Variants in PDE3B observed in about 807,000 individuals in gnomAD.
PDE3B encodes the protein cGMP-inhibited 3',5'-cyclic phosphodiesterase 3B.
Under a neutral mutation model 116.8 loss-of-function variants are expected in PDE3B, and 66 were observed. That is an observed-to-expected ratio of 0.56 (90% CI 0.46 to 0.69). PDE3B has a LOEUF of 0.69. PDE3B is among the 30% of genes least tolerant of loss of function. The probability of loss-of-function intolerance (pLI) is 0.00; values close to 1 mark genes in which losing one functional copy is unlikely to be tolerated. For missense variants in PDE3B, 1,384 were observed against 1,368.1 expected, an observed-to-expected ratio of 1.01 and a Z score of -0.18; for synonymous variants, 595 against 533.6, an observed-to-expected ratio of 1.12 and a Z score of -1.59.
chr11:14,772,173 T>C (rs1349242737), intron 2 of PDE3B, 186 bp downstream of exon 2: 1 of 320,296 alleles, frequency 3.1e-6, no homozygotes, highest in Non-Finnish European at 5.8e-6. Flanking sequence ...AAATATATTT[T>C]AATTATAAGG....
chr11:14,665,040 C>T (rs532561585), intron 1 of PDE3B, among the ~76,000 whole-genome samples: 1 of 152,316 alleles, frequency 6.6e-6, no homozygotes, highest in Non-Finnish European at 1.5e-5. Context: ...CAATCCGAAT[C>T]CAGCAGCACA....
rs1286551888 is a variant in PDE3B, at chr11:14,739,186, C to T, written c.979-32751C>T. On this transcript the variant is annotated intron_variant, in intron 1 of 15. Transcript: ENST00000282096. ...GGGATAGCACTGAATCTATAAATTA[C>T]CTTGGACAGTATGGCCCTTTTCACA... 3.3e-5 allele frequency among the ~76,000 whole-genome samples: 5 copies of T among 152,148 alleles called. No homozygotes were observed. In the East Asian group the frequency reaches 9.6e-4, roughly 29 times the overall value.
At chr11:14,660,310 T>TA (rs1853855033) in intron 1 of PDE3B, among the ~76,000 whole-genome samples, 1 of 151,882 alleles carries the variant, frequency 6.6e-6, no homozygotes, top group East Asian at 1.9e-4. Context: ...TATTCTTTTT[T>TA]TTTTTTTTTG....
intron 5 of PDE3B, among the ~76,000 whole-genome samples, chr11:14,810,532 G>T (rs1301700618): frequency 6.6e-6 from 1 of 151,960 alleles, no homozygotes; most frequent in Non-Finnish European, 1.5e-5. Flanking sequence ...ATTCCATAGT[G>T]TATATGTGCC....
At chr11:14,685,860 C>A (rs555027089) in intron 1 of PDE3B, among the ~76,000 whole-genome samples, 1 of 152,228 alleles carries the variant, frequency 6.6e-6, no homozygotes, top group East Asian at 1.9e-4. Context: ...TCATTCCAAA[C>A]GACTTGAAGT....
At position 14,867,438 on chromosome 11, in the gene PDE3B, T is replaced by C. The variant is rs528484127; in HGVS notation, c.2887-68T>C. Reference sequence around the variant, plus strand: ...TATTTTAAAAAAACTCAAGATAATTTTAACAGCAAAGCTCAGTGGTGGTTC... The same window carrying C: ...TATTTTAAAAAAACTCAAGATAATTCTAACAGCAAAGCTCAGTGGTGGTTC... On this transcript the variant is annotated intron_variant, in intron 14 of 15. Transcript: ENST00000282096. 79 of 1,386,768 alleles carry C rather than the reference T, an allele frequency of 5.7e-5. No homozygotes were observed. In the South Asian group the frequency reaches 1.0e-3, roughly 18 times the overall value. The allele number at this position is 1,386,768 out of a possible 1,614,324, so 85.9% of individuals were successfully genotyped here. A position where few individuals can be genotyped will look rare whatever the true frequency, so the allele number is the denominator to read the frequency against.
rs538639452 is a variant in PDE3B at position 14,869,337 on chromosome 11, T to C, written c.3140-124T>C. 2.1e-5 allele frequency: 10 copies of C among 483,308 alleles called. No homozygotes were observed. In the South Asian group the frequency reaches 4.9e-4, roughly 24 times the overall value. 29.9% of individuals were successfully genotyped at this position (483,308 alleles called of 1,614,324 possible). On this transcript the variant is annotated intron_variant, in intron 15 of 15. Coordinates refer to ENST00000282096, the MANE Select transcript of PDE3B (RefSeq NM_000922.4). ...CATTATATTATTTTTATTATACTAT[T>C]ATTTTATAGTACTGTTTACTTTTAT...
the PDE3B span, chr11:14,880,428 G>A: frequency 6.2e-7 from 1 of 1,613,368 alleles, no homozygotes; most frequent in Admixed American, 1.7e-5. Context: ...AAGGCAGGAT[G>A]CCAATCCATG....
chr11:14,742,576 C>G (rs750763914), intron 1 of PDE3B, among the ~76,000 whole-genome samples: 14 of 152,190 alleles, frequency 9.2e-5, no homozygotes, highest in Non-Finnish European at 1.6e-4. Flanking sequence ...CCTTCTGAAG[C>G]CTACTTCTGT....
At chr11:14,686,430 A>G (rs1485193305) in intron 1 of PDE3B, among the ~76,000 whole-genome samples, 1 of 152,200 alleles carries the variant, frequency 6.6e-6, no homozygotes, top group Non-Finnish European at 1.5e-5. Flanking sequence ...TGATTAGTAG[A>G]ACTTAGCCTT....
At chr11:14,664,456 C>CA (rs1255667887) in intron 1 of PDE3B, among the ~76,000 whole-genome samples, 5 of 151,970 alleles carry the variant, frequency 3.3e-5, no homozygotes, top group South Asian at 2.1e-4. Flanking sequence ...AAAAACACTT[C>CA]AAAAAATCAA....
At position 14,840,196 on chromosome 11, in the gene PDE3B, TAGA is replaced by T. The variant is rs536141735; in HGVS notation, c.2321-3627_2321-3625del. ...AGATAGAGATCCCCTTTGGAGTCTCTAGAAGACCACTACAAGATAATTACAGTG... is the reference window on the plus strand; with the variant it reads ...AGATAGAGATCCCCTTTGGAGTCTCTAGACCACTACAAGATAATTACAGTG... On this transcript the variant is annotated intron_variant, in intron 11 of 15. Transcript: ENST00000282096. Among the ~76,000 whole-genome samples, 25 of 152,330 alleles carry T rather than the reference TAGA, an allele frequency of 1.6e-4. 1 individual carries two copies. The South Asian group carries it at 5.2e-3, about 32-fold the overall frequency.
the PDE3B span, among the ~76,000 whole-genome samples, chr11:14,882,148 G>A: frequency 1.1e-4 from 17 of 152,000 alleles, no homozygotes; most frequent in Non-Finnish European, 1.9e-4. Flanking sequence ...ACATGTATTT[G>A]TGGAACACCT....
At chr11:14,683,296 A>ATTT (rs959919729) in intron 1 of PDE3B, among the ~76,000 whole-genome samples, 1 of 150,072 alleles carries the variant, frequency 6.7e-6, no homozygotes, top group Non-Finnish European at 1.5e-5. Context: ...CTGGGTCTCA[A>ATTT]TTTTTTTTTT....
chr11:14,768,713 C>G (rs1857560813), intron 1 of PDE3B, among the ~76,000 whole-genome samples: 2 of 151,482 alleles, frequency 1.3e-5, no homozygotes, highest in Admixed American at 1.3e-4. Flanking sequence ...AAGGACCAAG[C>G]TTTTGGGTTT....
intron 1 of PDE3B, among the ~76,000 whole-genome samples, chr11:14,649,674 T>C (rs570716528): frequency 6.6e-6 from 1 of 152,340 alleles, no homozygotes; most frequent in East Asian, 1.9e-4. Context: ...TAGTTTGTAA[T>C]GACCTTGATG....
intron 9 of PDE3B, 113 bp downstream of exon 9, chr11:14,831,890 C>T (rs1193870630): frequency 1.6e-6 from 1 of 629,390 alleles, no homozygotes; most frequent in Non-Finnish European, 2.7e-6. Context: ...TGACATTGTT[C>T]ATTATTTTTT....
At chr11:14,804,176 T>C (rs1858851101) in intron 5 of PDE3B, 126 bp downstream of exon 5, 2 of 605,456 alleles carry the variant, frequency 3.3e-6, no homozygotes, top group Non-Finnish European at 5.8e-6. Context: ...TTAACATGAC[T>C]TAGCAGTTTG....
chr11:14,756,254 T>A (rs1195540492), intron 1 of PDE3B, among the ~76,000 whole-genome samples: 1 of 152,152 alleles, frequency 6.6e-6, no homozygotes, highest in Non-Finnish European at 1.5e-5. Context: ...ATAATCTAGT[T>A]GGGGAGTGTA....
Sources: gnomAD v4.1 joint callset for allele counts (sites outside exome capture counted in the v4.1 genomes callset) on GRCh38, gnomAD v4.1.1 for gene constraint, MANE v1.5 for transcripts, NCBI Gene and HGNC (gene_info 2026-07-23, HGNC 2026-07-21) for gene names.